MTSS1: variants seen among roughly 807,000 people sequenced by gnomAD.
MTSS1 encodes the protein MTSS I-BAR domain containing 1.
A neutral mutation model predicts 79.0 loss-of-function variants in MTSS1; 18 were observed. That is an observed-to-expected ratio of 0.23 (90% confidence interval 0.16 to 0.34). The LOEUF (loss-of-function observed/expected upper bound fraction) is 0.34. Among genes scored for constraint, MTSS1 ranks in the 10% least tolerant of loss-of-function variants. The pLI, the probability that MTSS1 is intolerant of heterozygous loss-of-function variation, is 1.00. For synonymous variants in MTSS1, 341 were observed against 368.6 expected (o/e 0.93, Z 0.86); for missense variants, 815 against 986.2 (o/e 0.83, Z 2.33).
chr8:124,687,464 C>T (rs1431515155), intron 3 of MTSS1, among the ~76,000 whole-genome samples: 1 of 152,184 alleles, frequency 6.6e-6, no homozygotes, highest in Non-Finnish European at 1.5e-5. Flanking sequence ...ATGGCAATCA[C>T]GTGCTTAAGT....
intron 1 of MTSS1, among the ~76,000 whole-genome samples, chr8:124,713,616 G>T (rs1167690337): frequency 6.6e-6 from 1 of 151,892 alleles, no homozygotes; most frequent in Non-Finnish European, 1.5e-5. Flanking sequence ...TAGAGACAGG[G>T]TTTTGCCATG....
intron 6 of MTSS1, among the ~76,000 whole-genome samples, chr8:124,584,860 A>T (rs1830585150): frequency 6.6e-6 from 1 of 152,246 alleles, no homozygotes; most frequent in South Asian, 2.1e-4. Flanking sequence ...CAAACTTGGA[A>T]GACAAAGGTG....
chr8:124,617,741 CAAGA>C (rs1812679106), intron 3 of MTSS1, among the ~76,000 whole-genome samples: 1 of 152,260 alleles, frequency 6.6e-6, no homozygotes, highest in Non-Finnish European at 1.5e-5. Context: ...CTCAGAGATC[CAAGA>C]AAGTCACTTG....
chr8:124,587,132 G>C (rs574358306), intron 5 of MTSS1, among the ~76,000 whole-genome samples: 1 of 152,300 alleles, frequency 6.6e-6, no homozygotes, highest in South Asian at 2.1e-4. Context: ...GGTGAGGAGA[G>C]ACCTGCGCAG....
chr8:124,620,776 A>C (rs1813344155), intron 3 of MTSS1, among the ~76,000 whole-genome samples: 1 of 152,232 alleles, frequency 6.6e-6, no homozygotes, highest in Non-Finnish European at 1.5e-5. Context: ...AGAAAAAACC[A>C]TGAGGATTTT....
At chr8:124,586,947 C>T (rs990008169) in intron 5 of MTSS1, among the ~76,000 whole-genome samples, 4 of 152,252 alleles carry the variant, frequency 2.6e-5, no homozygotes, top group African/African-American at 9.6e-5. Context: ...CTGCTGCCTT[C>T]TCCTAATGGG....
chr8:124,653,680 C>T (rs988808415), intron 3 of MTSS1, among the ~76,000 whole-genome samples: 15 of 152,166 alleles, frequency 9.9e-5, no homozygotes, highest in South Asian at 6.2e-4. Context: ...GCCGAGATCG[C>T]GCCAGTGCGC....
chr8:124,627,139 C>T (rs1182470913), intron 3 of MTSS1, among the ~76,000 whole-genome samples: 1 of 152,074 alleles, frequency 6.6e-6, no homozygotes, highest in Non-Finnish European at 1.5e-5. Flanking sequence ...TAAGGCTGTG[C>T]TTATCCTCCC....
chr8:124,571,289 G>T (rs904667584), intron 6 of MTSS1, among the ~76,000 whole-genome samples: 1 of 152,226 alleles, frequency 6.6e-6, no homozygotes, highest in East Asian at 1.9e-4. Flanking sequence ...AAAACTGTGA[G>T]TTTTCTCTTC....
intron 3 of MTSS1, among the ~76,000 whole-genome samples, chr8:124,661,352 T>A (rs1821994248): frequency 6.6e-6 from 1 of 151,924 alleles, no homozygotes; most frequent in African/African-American, 2.4e-5. Context: ...ACTGATGAAT[T>A]TTTACTAACA....
chr8:124,714,100 A>G (rs1483396531), intron 1 of MTSS1, among the ~76,000 whole-genome samples: 1 of 152,174 alleles, frequency 6.6e-6, no homozygotes, highest in Non-Finnish European at 1.5e-5. Flanking sequence ...AAGAGAGAGG[A>G]AGAGGTTTAT....
At chr8:124,615,900 G>A (rs1321653753) in intron 3 of MTSS1, among the ~76,000 whole-genome samples, 1 of 152,108 alleles carries the variant, frequency 6.6e-6, no homozygotes, top group Non-Finnish European at 1.5e-5. Flanking sequence ...AAGGGCTGAG[G>A]CCAGCACCCT....
At chr8:124,665,545 G>C (rs776565096) in intron 3 of MTSS1, among the ~76,000 whole-genome samples, 1 of 152,094 alleles carries the variant, frequency 6.6e-6, no homozygotes, top group Non-Finnish European at 1.5e-5. Context: ...TGGCCAGGCT[G>C]ATCTCAGACA....
chr8:124,716,089 T>C (rs939404516), intron 1 of MTSS1, among the ~76,000 whole-genome samples: 2 of 152,126 alleles, frequency 1.3e-5, no homozygotes, highest in Admixed American at 6.6e-5. Flanking sequence ...GGGTGGGCCA[T>C]AGACAGAAAG....
rs148482099 is a variant in MTSS1 at position 124,596,450 on chromosome 8, T to C, written c.209-5215A>G. On this transcript the variant is annotated intron_variant, in intron 3 of 13. Coordinates refer to ENST00000518547, the MANE Select transcript of MTSS1 (RefSeq NM_014751.6). ...AATAAAGCAGCACAAAATCAGCCAG[T>C]ATGATCTGTGGGTGATCTGTGAAGG... is the stretch of plus-strand genomic sequence containing the variant. Among the ~76,000 whole-genome samples, 753 of 152,294 alleles carry C rather than the reference T, an allele frequency of 4.9e-3. 4 individuals are homozygous for C. Among genetic ancestry groups the C allele is most frequent in the African/African-American group, 0.017 (702 of 41,562 alleles).
chr8:124,630,307 A>G (rs1341516561), intron 3 of MTSS1, among the ~76,000 whole-genome samples: 1 of 149,782 alleles, frequency 6.7e-6, no homozygotes, highest in Non-Finnish European at 1.5e-5. Context: ...CAACAGAGTC[A>G]CCAACAGGCA....
At chr8:124,656,781 C>CAAA (rs59332225) in intron 3 of MTSS1, among the ~76,000 whole-genome samples, 2 of 51,636 alleles carry the variant, frequency 3.9e-5, no homozygotes, top group African/African-American at 5.7e-5. Context: ...GACTCCATCT[C>CAAA]AAAAAAAAAA....
In MTSS1 at chr8:124,727,061, C is replaced by A. The variant is rs549506141; in HGVS notation, c.72+823G>T. Among the ~76,000 whole-genome samples the A allele has an allele frequency of 3.3e-4, 50 of 152,270 alleles. No individual in the cohort carries two copies. The highest frequency in any genetic ancestry group is 1.2e-3 in the African/African-American group (49 of 41,586). On this transcript the variant is annotated intron_variant, in intron 1 of 13. Transcript: ENST00000518547. The surrounding 1 kb of genome is among the most constrained non-coding windows in gnomAD (Gnocchi z 4.7). The stretch of plus-strand genomic sequence containing the variant: ...CAGTCCCACCCTTTGCAGGAAAAAA[C>A]CAGGGTGTTGTTCCCCGCCCCCACG...
intron 3 of MTSS1, among the ~76,000 whole-genome samples, chr8:124,693,578 G>A (rs983017610): frequency 1.3e-5 from 2 of 152,110 alleles, no homozygotes; most frequent in Non-Finnish European, 2.9e-5. Context: ...CAACCTCGGC[G>A]ATCCAGACTC....
Sources: gnomAD v4.1 joint callset for allele counts (sites outside exome capture counted in the v4.1 genomes callset) on GRCh38, gnomAD v4.1.1 for gene constraint, Gnocchi (gnomAD v3.1) non-coding constraint, MANE v1.5 for transcripts, NCBI Gene and HGNC (gene_info 2026-07-23, HGNC 2026-07-21) for gene names.